MCM3AP: variants seen among roughly 807,000 people sequenced by gnomAD.
The protein encoded by MCM3AP is germinal-center associated nuclear protein.
MCM3AP carries 126 observed loss-of-function variants against 184.1 expected under a neutral mutation model. The ratio of observed to expected loss-of-function variants is 0.68; its 90% CI spans 0.59 to 0.79. The LOEUF (loss-of-function observed/expected upper bound fraction) is 0.79, where lower values mean the gene tolerates loss of function less well. Ranked by LOEUF, MCM3AP falls within the 30% of genes least tolerant of loss-of-function variation. The pLI, the probability that MCM3AP is intolerant of heterozygous loss-of-function variation, is 0.00. For missense variants in MCM3AP, 2,496 were observed against 2,479.2 expected, an observed-to-expected ratio of 1.01 and a Z score of -0.14; for synonymous variants, 1,002 against 979.3, an observed-to-expected ratio of 1.02 and a Z score of -0.43.
At chr21:46,242,717 G>A (rs1027982872) in intron 25 of MCM3AP, 85 bp downstream of exon 25, 4 of 1,382,726 alleles carry the variant, frequency 2.9e-6, no homozygotes, top group African/African-American at 2.9e-5. Context: ...GACTGGATTT[G>A]GCATGTAGGA....
intron 23 of MCM3AP, among the ~76,000 whole-genome samples, chr21:46,243,987 T>C (rs1368792659): frequency 6.6e-6 from 1 of 152,230 alleles, no homozygotes; most frequent in Non-Finnish European, 1.5e-5. Flanking sequence ...CTAGGAAATC[T>C]GTATTTTAAC....
chr21:46,249,632 CAG>C (rs1356117053), intron 20 of MCM3AP: 1 of 450,350 alleles, frequency 2.2e-6, no homozygotes, highest in Non-Finnish European at 4.4e-6. Context: ...GGAAAAGACT[CAG>C]AAAATTCCCC....
In MCM3AP at chr21:46,245,052, C is replaced by T. The variant is rs2080741274; in HGVS notation, c.4793G>A (p.Gly1598Asp). 2 of 1,614,104 alleles carry T rather than the reference C, an allele frequency of 1.2e-6. No individual in the cohort carries two copies. Among genetic ancestry groups the T allele is most frequent in the East Asian group, 2.2e-5 (1 of 44,892 alleles). ...GCCAGGCTCCTGAGAAGCAAGACCGCCCAGACGCCTCTCTCTTCTGTCATG... is the reference window on the plus strand; with the variant it reads ...GCCAGGCTCCTGAGAAGCAAGACCGTCCAGACGCCTCTCTCTTCTGTCATG... ...FFHDRRERRL[G>D]GLASQEPGAI... The change falls in exon 23 of 28, where the codon GGC (glycine) becomes GAC (aspartate). Residue 1598 changes from glycine (G) to aspartate (D), a missense_variant. Physicochemically the swap from Gly to Asp is moderately conservative, Grantham distance 94 (BLOSUM62 -1). This residue lies in a region of MCM3AP where 1,323 missense variants were observed against 1,273.4 expected (regional missense o/e 1.04). Coordinates refer to ENST00000291688, the MANE Select transcript of MCM3AP (RefSeq NM_003906.5).
chr21:46,239,445 C>A (rs1055339152), intron 26 of MCM3AP, among the ~76,000 whole-genome samples: 4 of 152,146 alleles, frequency 2.6e-5, no homozygotes, highest in Non-Finnish European at 4.4e-5. Flanking sequence ...TTCAATAGAG[C>A]CAATAGGATA....
At position 46,273,464 on chromosome 21, in the gene MCM3AP, T is replaced by C. The variant is rs976936430; in HGVS notation, c.2120A>G (p.Gln707Arg). Residue 707 changes from glutamine (Q) to arginine (R), a missense_variant, in exon 7 of 28, where the codon CAG becomes CGG. By Grantham distance (43) the Gln-to-Arg change is conservative (BLOSUM62 1). Around this residue, in one of 5 missense-constraint regions of MCM3AP, gnomAD observed 130 missense variants for 199.8 expected, o/e 0.65. Coordinates refer to ENST00000291688, the MANE Select transcript of MCM3AP (RefSeq NM_003906.5). ...LSRTMDYLVT[Q>R]IMDQKEGSLR... The stretch of plus-strand genomic sequence containing the variant: ...GCTGCCCTCCTTCTGGTCCATGATC[T>C]GGGTCACCAGGTAGTCCATGGTCCT... 6 of 1,614,000 alleles carry C rather than the reference T, an allele frequency of 3.7e-6. No homozygotes were observed. Among genetic ancestry groups the C allele is most frequent in the Non-Finnish European group, 5.1e-6 (6 of 1,179,870 alleles).
intron 21 of MCM3AP, 24 bp from the exon 22 acceptor site, chr21:46,246,428 G>A (rs770853181): frequency 2.0e-6 from 3 of 1,489,112 alleles, no homozygotes; most frequent in South Asian, 1.1e-5. Flanking sequence ...ATAGATGAAG[G>A]TCACTTGCAT....
In MCM3AP at chr21:46,279,872, T is replaced by C; in HGVS notation, c.1667+121A>G. On this transcript the variant is annotated intron_variant, in intron 4 of 27. Transcript: ENST00000291688. Reference sequence around the variant, plus strand: ...CTGCCCCTCCACCCCCAACCATCCCTAGCAACTGGCTTTTGTCTCCTCACC... The same window carrying C: ...CTGCCCCTCCACCCCCAACCATCCCCAGCAACTGGCTTTTGTCTCCTCACC... The C allele has an allele frequency of 3.4e-6, 3 of 878,160 alleles. No individual in the cohort carries two copies. The South Asian group carries it at 6.2e-5, about 18-fold the overall frequency. 54.4% of individuals were successfully genotyped at this position (878,160 alleles called of 1,614,324 possible).
intron 20 of MCM3AP, among the ~76,000 whole-genome samples, chr21:46,247,417 A>C (rs989158293): frequency 1.3e-5 from 2 of 151,296 alleles, no homozygotes; most frequent in Non-Finnish European, 2.9e-5. Flanking sequence ...ATGGAGTCTC[A>C]CTCTGTCGCC....
chr21:46,257,286 G>A (rs1218284071), intron 16 of MCM3AP, among the ~76,000 whole-genome samples: 2 of 150,846 alleles, frequency 1.3e-5, no homozygotes, highest in Non-Finnish European at 3.0e-5. Context: ...ACCAGCCTGC[G>A]CAACACAGTG....
intron 2 of MCM3AP, 130 bp from the exon 3 acceptor site, chr21:46,280,705 A>G (rs1186532256): frequency 3.1e-6 from 2 of 642,026 alleles, no homozygotes; most frequent in Non-Finnish European, 5.6e-6. Context: ...TTTGCACGAC[A>G]GTGATTTCTC....
chr21:46,247,127 T>C lies in MCM3AP; in HGVS notation c.4291-241A>G, dbSNP rs1310521549. 10 of 459,662 alleles carry C rather than the reference T, an allele frequency of 2.2e-5. No individual in the cohort carries two copies. In the East Asian group the frequency reaches 3.0e-4, roughly 14 times the overall value. The allele number at this position is 459,662 out of a possible 1,614,324, so 28.5% of individuals were successfully genotyped here. ...TTAGCAAAGACTCCCCTCAACCTTT[T>C]TTTTTTTTTGAGAAGGGGGTCTTAT... On this transcript the variant is annotated intron_variant, in intron 20 of 27. Transcript: ENST00000291688.
chr21:46,267,219 C>G, intron 9 of MCM3AP, 77 bp from the exon 10 acceptor site: 1 of 1,413,620 alleles, frequency 7.1e-7, no homozygotes, highest in South Asian at 1.3e-5. Flanking sequence ...ATGACCACAG[C>G]CATGGCCAGC....
Position 46,235,141 on chromosome 21 carries a change from A to T in MCM3AP, c.*127T>A. 1 of 1,062,490 alleles carries T rather than the reference A, an allele frequency of 9.4e-7. No homozygotes were observed. Among genetic ancestry groups the T allele is most frequent in the Non-Finnish European group, 1.3e-6 (1 of 742,856 alleles). The allele number at this position is 1,062,490 out of a possible 1,614,324, so 65.8% of individuals were successfully genotyped here. On this transcript the variant is annotated 3_prime_UTR_variant, in exon 28 of 28. Transcript: ENST00000291688. ...ATGAAAAACTGGGAGACTGACATTTAAATGGTTTATCTGCATGATTAAATT... is the reference window on the plus strand; with the variant it reads ...ATGAAAAACTGGGAGACTGACATTTTAATGGTTTATCTGCATGATTAAATT...
chr21:46,258,456 CCTT>C (rs1280143704), intron 16 of MCM3AP, among the ~76,000 whole-genome samples: 1 of 152,174 alleles, frequency 6.6e-6, no homozygotes, highest in Non-Finnish European at 1.5e-5. Flanking sequence ...TCATTATTTT[CCTT>C]CTTTTCTTTA....
rs1333515292 is a variant in MCM3AP, at chr21:46,242,867, A to G, written c.5361T>C (p.Asp1787=). The G allele has an allele frequency of 1.2e-6, 2 of 1,613,702 alleles. No individual in the cohort carries two copies. Among genetic ancestry groups the G allele is most frequent in the South Asian group, 1.1e-5 (1 of 91,030 alleles). The change falls in exon 25 of 28, where the codon GAT becomes GAC. Residue 1787 remains aspartate, a synonymous_variant. Transcript: ENST00000291688. Reference sequence around the variant, plus strand: ...TGGCTTGTTCCCACGACAAAGGAACATCATATTTTTTCAAATCGTTTTTAA... The same window carrying G: ...TGGCTTGTTCCCACGACAAAGGAACGTCATATTTTTTCAAATCGTTTTTAA... ...YFFKNDLKKY[D]VPLSWEQARL...
chr21:46,277,593 T>G lies in MCM3AP; in HGVS notation c.1792A>C (p.Thr598Pro). The change falls in exon 5 of 28, where the codon ACT (threonine) becomes CCT (proline). Residue 598 changes from threonine (T) to proline (P), a missense_variant. Around this residue, in one of 5 missense-constraint regions of MCM3AP, gnomAD observed 800 missense variants for 717.1 expected, o/e 1.12. Coordinates refer to ENST00000291688, the MANE Select transcript of MCM3AP (RefSeq NM_003906.5). ...CVLSLSTLIG[T>P]VAETSKEKYR... ...TTCTCCTTGGATGTCTCAGCCACAG[T>G]GCCTATCAGGGTACTGAGGGAGAGC... 1 of 1,611,280 alleles carries G rather than the reference T, an allele frequency of 6.2e-7. No individual in the cohort carries two copies.
At chr21:46,261,512 A>G in intron 13 of MCM3AP, 101 bp from the exon 14 acceptor site, 1 of 1,013,346 alleles carries the variant, frequency 9.9e-7, no homozygotes, top group African/African-American at 1.6e-5. Flanking sequence ...AGGTGGGCGG[A>G]TCACAAGGTC....
chr21:46,273,680 C>T lies in MCM3AP; in HGVS notation c.1999-95G>A, dbSNP rs2081216924. 7 of 821,678 alleles carry T rather than the reference C, an allele frequency of 8.5e-6. No homozygotes were observed. In the South Asian group the frequency reaches 1.0e-4, roughly 12 times the overall value. 50.9% of individuals were successfully genotyped at this position (821,678 alleles called of 1,614,324 possible). On this transcript the variant is annotated intron_variant, in intron 6 of 27. Coordinates refer to ENST00000291688, the MANE Select transcript of MCM3AP (RefSeq NM_003906.5). ...ATGAGGGGGAAAATCACATACACAC[C>T]CACACAAGATCAGTATTTGAGAATA...
At chr21:46,272,457 C>G (rs2145694727) in intron 8 of MCM3AP, 104 bp downstream of exon 8, 11 of 1,188,306 alleles carry the variant, frequency 9.3e-6, no homozygotes, top group Non-Finnish European at 1.2e-5. Context: ...TGCTACCAGA[C>G]AGAATGCTGC....
Sources: allele counts gnomAD v4.1 joint callset (sites outside exome capture counted in the v4.1 genomes callset), GRCh38; gene constraint gnomAD v4.1.1; regional missense constraint gnomAD v4.1.1; transcripts MANE v1.5; gene names NCBI Gene and HGNC (gene_info 2026-07-23, HGNC 2026-07-21).